Variants in KIAA1217 observed in about 807,000 individuals in gnomAD.
KIAA1217 encodes the protein KIAA1217.
In KIAA1217, 88 loss-of-function variants were observed where a neutral mutation model predicts 163.9. That is an observed-to-expected ratio of 0.54 (90% CI 0.45 to 0.64). KIAA1217 has a LOEUF of 0.64. Ranked by LOEUF, KIAA1217 falls within the 30% of genes least tolerant of loss-of-function variation. KIAA1217 has a pLI of 0.00. For synonymous variants in KIAA1217, 903 were observed against 923.1 expected, an observed-to-expected ratio of 0.98 and a Z score of 0.39; for missense variants, 2,372 against 2,475.0, an observed-to-expected ratio of 0.96 and a Z score of 0.88.
At chr10:23,895,693 G>A (rs76905665) in intron 1 of KIAA1217, among the ~76,000 whole-genome samples, 34,432 of 151,810 alleles carry the variant, frequency 0.23, 4,095 homozygotes, top group Middle Eastern at 0.32. Flanking sequence ...ACATGCACAC[G>A]TATGTTTATT....
At chr10:24,063,502 C>T (rs185063828) in intron 2 of KIAA1217, among the ~76,000 whole-genome samples, 2,317 of 152,034 alleles carry the variant, frequency 0.015, 19 homozygotes, top group African/African-American at 0.019. Context: ...GGTCTATATC[C>T]CTGTTTTGGT....
intron 2 of KIAA1217, among the ~76,000 whole-genome samples, chr10:24,236,992 A>G (rs531829530): frequency 1.5e-3 from 234 of 152,302 alleles, no homozygotes; most frequent in Non-Finnish European, 1.8e-3. Flanking sequence ...GTTGAAGCGA[A>G]TTCAAGACAG....
chr10:24,025,378 C>A (rs943801636), intron 2 of KIAA1217, among the ~76,000 whole-genome samples: 2 of 151,732 alleles, frequency 1.3e-5, no homozygotes, highest in Non-Finnish European at 3.0e-5. Flanking sequence ...ATCTATATAT[C>A]TCATCTTATT....
intron 3 of KIAA1217, among the ~76,000 whole-genome samples, chr10:24,419,191 G>C (rs200442546): frequency 2.2e-5 from 3 of 138,042 alleles, no homozygotes; most frequent in Admixed American, 1.5e-4. Flanking sequence ...AAAAAAAAAA[G>C]AAAGAAAATC....
At chr10:24,498,635 A>G (rs1243162220) in intron 8 of KIAA1217, among the ~76,000 whole-genome samples, 1 of 152,170 alleles carries the variant, frequency 6.6e-6, no homozygotes, top group African/African-American at 2.4e-5. Context: ...CCTGGGCAAC[A>G]TGGCAAAACC....
At chr10:23,959,608 G>C (rs891727950) in intron 1 of KIAA1217, among the ~76,000 whole-genome samples, 11 of 152,214 alleles carry the variant, frequency 7.2e-5, no homozygotes, top group African/African-American at 2.4e-4. Flanking sequence ...TGACATAGGA[G>C]CCTTCCAAAA....
chr10:24,462,770 A>T (rs147717570), intron 5 of KIAA1217, among the ~76,000 whole-genome samples: 56 of 152,324 alleles, frequency 3.7e-4, no homozygotes, highest in Admixed American at 2.4e-3. Context: ...TTGTTAGAAT[A>T]TGAAGTGTCA....
chr10:24,248,545 C>A (rs1290193607), intron 2 of KIAA1217, among the ~76,000 whole-genome samples: 1 of 151,812 alleles, frequency 6.6e-6, no homozygotes, highest in East Asian at 1.9e-4. Context: ...GTGGCGGGTG[C>A]CTGTAATCCC....
intron 3 of KIAA1217, among the ~76,000 whole-genome samples, chr10:24,426,049 T>G (rs2059143066): frequency 6.6e-6 from 1 of 152,248 alleles, no homozygotes; most frequent in East Asian, 1.9e-4. Flanking sequence ...GTATTGCAGA[T>G]GGTGATCTGC....
chr10:24,174,298 G>C (rs1175806790), intron 2 of KIAA1217, among the ~76,000 whole-genome samples: 1 of 152,212 alleles, frequency 6.6e-6, no homozygotes, highest in Non-Finnish European at 1.5e-5. Context: ...TGGGCAGCTT[G>C]TCCTTCACCA....
At chr10:24,132,437 G>A (rs2063688006) in intron 2 of KIAA1217, among the ~76,000 whole-genome samples, 1 of 152,202 alleles carries the variant, frequency 6.6e-6, no homozygotes, top group African/African-American at 2.4e-5. Flanking sequence ...GAGAGCTATA[G>A]CTACATATTG....
chr10:23,897,835 A>G (rs1205343536), intron 1 of KIAA1217, among the ~76,000 whole-genome samples: 2 of 151,032 alleles, frequency 1.3e-5, no homozygotes, highest in African/African-American at 2.5e-5. Flanking sequence ...AATATAAAAA[A>G]GGATTTAAAT....
chr10:23,890,524 A>T (rs1841372698), intron 1 of KIAA1217, among the ~76,000 whole-genome samples: 1 of 151,962 alleles, frequency 6.6e-6, no homozygotes, highest in South Asian at 2.1e-4. Context: ...TTAAAAGTGT[A>T]TTGGTAAATT....
At chr10:24,400,225 G>A (rs931095512) in intron 3 of KIAA1217, among the ~76,000 whole-genome samples, 6 of 152,186 alleles carry the variant, frequency 3.9e-5, no homozygotes, top group African/African-American at 9.6e-5. Context: ...GACAGGAACC[G>A]TGCACAGGGA....
chr10:24,047,589 A>G (rs1255696014), intron 2 of KIAA1217, among the ~76,000 whole-genome samples: 6 of 152,166 alleles, frequency 3.9e-5, no homozygotes, highest in Non-Finnish European at 5.9e-5. Context: ...TGCAAATACT[A>G]TGCATGTACC....
chr10:24,134,975 A>G (rs2063780919), intron 2 of KIAA1217, among the ~76,000 whole-genome samples: 1 of 152,186 alleles, frequency 6.6e-6, no homozygotes, highest in Non-Finnish European at 1.5e-5. Flanking sequence ...TAAATTCAGT[A>G]AGTTGTGCTT....
intron 1 of KIAA1217, among the ~76,000 whole-genome samples, chr10:23,881,128 T>C (rs932105887): frequency 6.6e-6 from 1 of 151,880 alleles, no homozygotes; most frequent in Non-Finnish European, 1.5e-5. Flanking sequence ...GCCATGGTTC[T>C]AGTAGTTCAC....
At chr10:23,899,792 A>C (rs1054904601) in intron 1 of KIAA1217, among the ~76,000 whole-genome samples, 2 of 152,078 alleles carry the variant, frequency 1.3e-5, no homozygotes, top group African/African-American at 2.4e-5. Flanking sequence ...TGTGTGTGTA[A>C]AACAAATGCC....
intron 1 of KIAA1217, among the ~76,000 whole-genome samples, chr10:23,702,852 G>A (rs1836563471): frequency 6.6e-6 from 1 of 151,868 alleles, no homozygotes; most frequent in Non-Finnish European, 1.5e-5. Context: ...TGTAGCCTCC[G>A]GAGTAGCTGG....
Sources: gnomAD v4.1 joint callset for allele counts (sites outside exome capture counted in the v4.1 genomes callset) on GRCh38, gnomAD v4.1.1 for gene constraint, MANE v1.5 for transcripts, NCBI Gene and HGNC (gene_info 2026-07-23, HGNC 2026-07-21) for gene names.